UBR3: variants seen among roughly 807,000 people sequenced by gnomAD.
UBR3 encodes the protein ubiquitin protein ligase E3 component n-recognin 3, also known as E3 ubiquitin-protein ligase UBR3.
UBR3 carries 85 observed loss-of-function variants against 243.2 expected under a neutral mutation model. The ratio of observed to expected loss-of-function variants is 0.35; its 90% CI spans 0.29 to 0.42. The LOEUF (loss-of-function observed/expected upper bound fraction) is 0.42. UBR3 is among the 10% of genes least tolerant of loss of function. The pLI is 1.00. For missense variants in UBR3, 1,686 were observed against 2,300.8 expected (o/e 0.73, Z 5.47); for synonymous variants, 748 against 799.8 (o/e 0.94, Z 1.09).
intron 30 of UBR3, among the ~76,000 whole-genome samples, chr2:170,023,991 C>CG (rs1398887114): frequency 6.6e-6 from 1 of 152,142 alleles, no homozygotes; most frequent in Non-Finnish European, 1.5e-5. Context: ...CATGAGCCAC[C>CG]GCGCCTGGCA....
rs188219218 is a variant in UBR3, at chr2:169,960,496, A to G, written c.3634+1970A>G. ...ATTTAGCATCAGTTGACTTTATCAT[A>G]TGAAAGAAGAGGGTTTAGTTTATTG... On this transcript the variant is annotated intron_variant, in intron 24 of 38. Transcript: ENST00000272793. 2.1e-4 allele frequency among the ~76,000 whole-genome samples: 32 copies of G among 152,220 alleles called. 1 individual carries two copies. The East Asian group carries it at 2.5e-3, about 12-fold the overall frequency.
chr2:169,881,674 A>G lies in UBR3; in HGVS notation c.1038+3100A>G, dbSNP rs1298204656. The stretch of plus-strand genomic sequence containing the variant: ...AGGCTAGAGTGCAGTGATACTTTAT[A>G]TATATATATACACATATATACATAT... On this transcript the variant is annotated intron_variant, in intron 5 of 38. Transcript: ENST00000272793. Among the ~76,000 whole-genome samples, 11 of 135,486 alleles carry G rather than the reference A, an allele frequency of 8.1e-5. No individual in the cohort carries two copies. The South Asian group carries it at 2.4e-3, about 30-fold the overall frequency. The allele number at this position is 135,486 out of a possible 152,430, so 88.9% of individuals were successfully genotyped here. A position where few individuals can be genotyped will look rare whatever the true frequency, so the allele number is the denominator to read the frequency against.
intron 24 of UBR3, among the ~76,000 whole-genome samples, chr2:169,977,699 T>C (rs1479892651): frequency 6.6e-6 from 1 of 152,202 alleles, no homozygotes; most frequent in Non-Finnish European, 1.5e-5. Flanking sequence ...CCCACAATGA[T>C]GGCAGATGTT....
chr2:169,905,968 G>C (rs1393732238), intron 9 of UBR3, 63 bp from the exon 10 acceptor site: 2 of 1,516,388 alleles, frequency 1.3e-6, no homozygotes, highest in African/African-American at 2.8e-5. Flanking sequence ...AAATGTACTT[G>C]ATATTTAACA....
chr2:169,880,339 T>C (rs561738634), intron 5 of UBR3, among the ~76,000 whole-genome samples: 17 of 152,368 alleles, frequency 1.1e-4, no homozygotes, highest in Non-Finnish European at 1.9e-4. Flanking sequence ...CATATTATTT[T>C]AGCATGCCTA....
chr2:169,998,496 A>T (rs1048828014), intron 26 of UBR3, among the ~76,000 whole-genome samples: 2 of 152,190 alleles, frequency 1.3e-5, no homozygotes, highest in Non-Finnish European at 2.9e-5. Flanking sequence ...CCTAGACTGC[A>T]TACCTCTGGA....
chr2:169,905,651 A>G (rs964430752), intron 9 of UBR3, among the ~76,000 whole-genome samples: 4 of 152,218 alleles, frequency 2.6e-5, no homozygotes, highest in Admixed American at 1.3e-4. Flanking sequence ...CTGGGATTAC[A>G]GGGATTAGCC....
chr2:169,876,038 T>C (rs1446587188), intron 3 of UBR3, 89 bp downstream of exon 3: 1 of 1,157,562 alleles, frequency 8.6e-7, no homozygotes, highest in African/African-American at 1.6e-5. Context: ...AGGTAAATTG[T>C]AGAATTTTCA....
At chr2:170,017,047 A>T (rs2090256639) in intron 30 of UBR3, 1 of 171,204 alleles carries the variant, frequency 5.8e-6, no homozygotes, top group African/African-American at 2.4e-5. Flanking sequence ...GCAAAATCCC[A>T]CTATCTTACA....
intron 19 of UBR3, among the ~76,000 whole-genome samples, chr2:169,933,879 A>C (rs1025181537): frequency 9.4e-5 from 11 of 116,662 alleles, no homozygotes; most frequent in African/African-American, 2.5e-4. Flanking sequence ...CTTTAAATCA[A>C]TAACAACAAC....
At chr2:169,905,913 G>T (rs1394607689) in intron 9 of UBR3, 118 bp from the exon 10 acceptor site, 5 of 1,099,820 alleles carry the variant, frequency 4.5e-6, no homozygotes, top group Non-Finnish European at 3.8e-6. Context: ...TATATGTACT[G>T]TGTCAGTAAT....
chr2:169,865,612 CA>C (rs1397234096), intron 1 of UBR3, among the ~76,000 whole-genome samples: 1 of 152,176 alleles, frequency 6.6e-6, no homozygotes, highest in Non-Finnish European at 1.5e-5. Context: ...CTTTCCTGCA[CA>C]AAGTGTCCAA....
rs773576363 is a variant in UBR3, at chr2:169,942,623, C to G, written c.2794C>G (p.Leu932Val). 2.6e-6 allele frequency: 4 copies of G among 1,542,816 alleles called. No individual in the cohort carries two copies. Among genetic ancestry groups the G allele is most frequent in the Non-Finnish European group, 3.5e-6 (4 of 1,144,660 alleles). Residue 932 changes from leucine (L) to valine (V), a missense_variant, in exon 20 of 39, where the codon CTG becomes GTG. Leu to Val is a conservative substitution (Grantham distance 32, BLOSUM62 1). Coordinates refer to ENST00000272793, the MANE Select transcript of UBR3 (RefSeq NM_172070.4). ...CKTLHIVLFT[L>V]LYKILMDHQN... Reference sequence around the variant, plus strand: ...AACTTTACACATTGTGCTATTCACTCTGCTTTACAAGGTACAGTAGTAATT... The same window carrying G: ...AACTTTACACATTGTGCTATTCACTGTGCTTTACAAGGTACAGTAGTAATT...
intron 10 of UBR3, among the ~76,000 whole-genome samples, chr2:169,906,740 AT>A: frequency 6.6e-6 from 1 of 152,230 alleles, no homozygotes; most frequent in East Asian, 1.9e-4. Context: ...TAGTAGACAT[AT>A]TTTGAAGCCC....
intron 30 of UBR3, among the ~76,000 whole-genome samples, chr2:170,020,697 C>CT (rs1221722503): frequency 1.3e-5 from 2 of 152,316 alleles, no homozygotes; most frequent in Admixed American, 6.5e-5. Context: ...TAGAATTATA[C>CT]TTTATCTACA....
At chr2:169,953,458 T>G (rs891298805) in intron 23 of UBR3, among the ~76,000 whole-genome samples, 3 of 152,130 alleles carry the variant, frequency 2.0e-5, no homozygotes, top group African/African-American at 7.2e-5. Context: ...GCAGAAAACA[T>G]TAGATGGTTG....
At chr2:170,059,024 C>G (rs1257547083) in intron 33 of UBR3, among the ~76,000 whole-genome samples, 2 of 152,270 alleles carry the variant, frequency 1.3e-5, no homozygotes, top group Middle Eastern at 3.4e-3. Context: ...TGCCACCTCC[C>G]CCTTAGGATT....
chr2:169,964,403 C>G (rs959378311), intron 24 of UBR3: 1 of 469,688 alleles, frequency 2.1e-6, no homozygotes, highest in South Asian at 1.6e-5. Context: ...TGAGACAAAA[C>G]AAAAACAATT....
chr2:169,838,750 C>T (rs2082197361), intron 1 of UBR3, among the ~76,000 whole-genome samples: 1 of 152,166 alleles, frequency 6.6e-6, no homozygotes, highest in Non-Finnish European at 1.5e-5. Context: ...CTTGTTCTAG[C>T]ACCAGCTCAA....
Sources: allele counts gnomAD v4.1 joint callset (sites outside exome capture counted in the v4.1 genomes callset), GRCh38; gene constraint gnomAD v4.1.1; transcripts MANE v1.5; gene names NCBI Gene and HGNC (gene_info 2026-07-23, HGNC 2026-07-21).